SCOC: variants seen among roughly 807,000 people sequenced by gnomAD.
The protein encoded by SCOC is short coiled coil protein.
SCOC carries 7 observed loss-of-function variants against 9.9 expected under a neutral mutation model. The ratio of observed to expected loss-of-function variants is 0.71; its 90% CI spans 0.40 to 1.33. The LOEUF (loss-of-function observed/expected upper bound fraction) is 1.33. Among genes scored for constraint, SCOC ranks in the 40% most tolerant of loss-of-function variants. SCOC has a pLI of 0.01. For missense variants in SCOC, 66 were observed against 89.7 expected, an observed-to-expected ratio of 0.74 and a Z score of 1.07; for synonymous variants, 19 against 28.2, an observed-to-expected ratio of 0.67 and a Z score of 1.03.
intron 1 of SCOC, among the ~76,000 whole-genome samples, chr4:140,274,757 A>G (rs1657361618): frequency 6.6e-6 from 1 of 152,176 alleles, no homozygotes; most frequent in South Asian, 2.1e-4. Flanking sequence ...CTTTCACCCT[A>G]GCACTTCCCT....
chr4:140,272,823 G>C (rs904915686), intron 1 of SCOC, among the ~76,000 whole-genome samples: 3 of 152,180 alleles, frequency 2.0e-5, no homozygotes, highest in African/African-American at 7.2e-5. Flanking sequence ...GAAGGAAGGC[G>C]GGGAGGGGAA....
At chr4:140,373,581 C>A, upstream of SCOC, 1 of 1,551,678 alleles carries the variant, frequency 6.4e-7, no homozygotes, top group Non-Finnish European at 8.7e-7. Context: ...GGGCGAGCGG[C>A]TGGGACGGGA....
At chr4:140,268,979 A>C (rs1309254799) in intron 1 of SCOC, among the ~76,000 whole-genome samples, 1 of 152,194 alleles carries the variant, frequency 6.6e-6, no homozygotes, top group Non-Finnish European at 1.5e-5. Context: ...TACTCATTCC[A>C]ACTTACAGTC....
chr4:140,334,665 C>T (rs1057293825), intron 1 of SCOC, among the ~76,000 whole-genome samples: 28 of 152,132 alleles, frequency 1.8e-4, no homozygotes, highest in African/African-American at 6.3e-4. Context: ...ACTACAGGCA[C>T]AATTTTATGC....
At chr4:140,365,711 A>G (rs764684562) in intron 2 of SCOC, among the ~76,000 whole-genome samples, 27 of 152,186 alleles carry the variant, frequency 1.8e-4, no homozygotes, top group Non-Finnish European at 3.8e-4. Context: ...GAAGAAGATG[A>G]AGACTTTCAT....
At chr4:140,292,754 C>T (rs72937785) in intron 1 of SCOC, among the ~76,000 whole-genome samples, 28,979 of 152,070 alleles carry the variant, frequency 0.19, 5,598 homozygotes, top group African/African-American at 0.5. Context: ...CCTCTGAAAG[C>T]TCTGAGGCTT....
At chr4:140,282,166 T>C (rs150910583) in intron 1 of SCOC, among the ~76,000 whole-genome samples, 589 of 152,332 alleles carry the variant, frequency 3.9e-3, no homozygotes, top group Middle Eastern at 0.017. Context: ...TTGAACATTA[T>C]AATATTAGTT....
At chr4:140,319,859 C>T (rs1367528911) in intron 1 of SCOC, among the ~76,000 whole-genome samples, 3 of 152,024 alleles carry the variant, frequency 2.0e-5, no homozygotes, top group Non-Finnish European at 4.4e-5. Context: ...AAGACAAGGG[C>T]CTGCAGGGAG....
Position 140,362,455 on chromosome 4 carries a change from C to T in SCOC, c.71-16666C>T, listed in dbSNP as rs549950820. On this transcript the variant is annotated intron_variant, in intron 2 of 4. Transcript: ENST00000338517. ...AGACTACAGGCCAAGCCACCATGCC[C>T]GGCTAATTTTTGTATTTTTATTACA... 5.3e-5 allele frequency among the ~76,000 whole-genome samples: 8 copies of T among 149,550 alleles called. 1 individual carries two copies. In the South Asian group the frequency reaches 1.1e-3, roughly 20 times the overall value.
chr4:140,368,588 G>A (rs1727903041), intron 2 of SCOC, among the ~76,000 whole-genome samples: 2 of 152,178 alleles, frequency 1.3e-5, no homozygotes, highest in African/African-American at 4.8e-5. Context: ...AAAGAACACA[G>A]AATCACAGAA....
At chr4:140,259,986 AT>A (rs1730595261) in intron 1 of SCOC, among the ~76,000 whole-genome samples, 1 of 152,000 alleles carries the variant, frequency 6.6e-6, no homozygotes, top group South Asian at 2.1e-4. Context: ...ATCCTCCCCC[AT>A]TCCTTGAGGT....
intron 1 of SCOC, among the ~76,000 whole-genome samples, chr4:140,333,218 C>T (rs1732870344): frequency 6.6e-6 from 1 of 152,100 alleles, no homozygotes; most frequent in Non-Finnish European, 1.5e-5. Flanking sequence ...ATCAGCCAGG[C>T]CTTCCTGACA....
At chr4:140,305,204 T>C (rs2126458559) in intron 1 of SCOC, among the ~76,000 whole-genome samples, 1 of 152,278 alleles carries the variant, frequency 6.6e-6, no homozygotes, top group African/African-American at 2.4e-5. Flanking sequence ...ACTGGGGATG[T>C]TCTGTGAGAG....
intron 1 of SCOC, chr4:140,285,305 G>A (rs1251021150): frequency 2.2e-6 from 1 of 456,364 alleles, no homozygotes; most frequent in African/African-American, 2.0e-5. Flanking sequence ...TAATTTAGAT[G>A]ATAGGAGGAA....
chr4:140,258,583 C>A (rs1029685237), intron 1 of SCOC, among the ~76,000 whole-genome samples: 1 of 152,190 alleles, frequency 6.6e-6, no homozygotes, highest in Admixed American at 6.5e-5. Flanking sequence ...CTGACCTCAC[C>A]ACTTAAAGTT....
intron 1 of SCOC, among the ~76,000 whole-genome samples, chr4:140,290,344 T>C (rs1731434364): frequency 6.6e-6 from 1 of 152,226 alleles, no homozygotes; most frequent in Non-Finnish European, 1.5e-5. Flanking sequence ...TTTCTTCAGC[T>C]GGTCACTTGG....
At chr4:140,281,668 C>T (rs1022340909) in intron 1 of SCOC, among the ~76,000 whole-genome samples, 3 of 152,202 alleles carry the variant, frequency 2.0e-5, no homozygotes, top group Admixed American at 6.5e-5. Context: ...GTGGCCTCCC[C>T]CGTATCTCCA....
intron 1 of SCOC, among the ~76,000 whole-genome samples, chr4:140,296,529 C>T (rs1380175930): frequency 6.6e-6 from 1 of 152,186 alleles, no homozygotes; most frequent in Non-Finnish European, 1.5e-5. Context: ...CTGACTCATC[C>T]CTGAAAAGTG....
intron 1 of SCOC, among the ~76,000 whole-genome samples, chr4:140,288,744 C>T (rs771549491): frequency 9.2e-5 from 14 of 152,186 alleles, no homozygotes; most frequent in East Asian, 1.9e-4. Context: ...CATGTACACA[C>T]ACCACACACA....
Sources: gnomAD v4.1 joint callset for allele counts (sites outside exome capture counted in the v4.1 genomes callset) on GRCh38, gnomAD v4.1.1 for gene constraint, MANE v1.5 for transcripts, NCBI Gene and HGNC (gene_info 2026-07-23, HGNC 2026-07-21) for gene names.